BIN1: variants seen among roughly 807,000 people sequenced by gnomAD.
BIN1 encodes bridging integrator 1, also known as myc box-dependent-interacting protein 1.
In BIN1, 53 loss-of-function variants were observed where a neutral mutation model predicts 82.0. That is an observed-to-expected ratio of 0.65 (90% CI 0.52 to 0.81). The LOEUF (loss-of-function observed/expected upper bound fraction) is 0.81. BIN1 is among the 40% of genes least tolerant of loss of function. The pLI, the probability that BIN1 is intolerant of heterozygous loss-of-function variation, is 0.00. For synonymous variants in BIN1, 302 were observed against 328.0 expected (o/e 0.92, Z 0.86); for missense variants, 642 against 784.4 (o/e 0.82, Z 2.17).
chr2:127,062,009 G>C, intron 10 of BIN1, 106 bp downstream of exon 10: 1 of 1,370,872 alleles, frequency 7.3e-7, no homozygotes, highest in Non-Finnish European at 1.0e-6. Context: ...AGACCCCCAA[G>C]GCCAAACCCA....
rs1685243413 is a variant in BIN1 at position 127,067,089 on chromosome 2, A to G, written c.612+1074T>C. Among the ~76,000 whole-genome samples the G allele has an allele frequency of 6.6e-6, 1 of 151,974 alleles. No homozygotes were observed. Among genetic ancestry groups the G allele is most frequent in the Non-Finnish European group, 1.5e-5 (1 of 67,970 alleles). On this transcript the variant is annotated intron_variant, in intron 7 of 18. Transcript: ENST00000316724. The surrounding 1 kb of genome is among the most constrained non-coding windows in gnomAD (Gnocchi z 4.7). Reference sequence around the variant, plus strand: ...CGTTCAAAAAAAAAAAAAAAATAGAAAAAGAAATTGGACAGCAAGCCATGC... The same window carrying G: ...CGTTCAAAAAAAAAAAAAAAATAGAGAAAGAAATTGGACAGCAAGCCATGC...
intron 7 of BIN1, among the ~76,000 whole-genome samples, chr2:127,066,347 A>G (rs994533066): frequency 6.6e-6 from 1 of 152,042 alleles, no homozygotes; most frequent in African/African-American, 2.4e-5. Context: ...CACCTGCCTC[A>G]CCCTCTCGCT....
At chr2:127,053,361 T>G in intron 14 of BIN1, 61 bp downstream of exon 14, 1 of 1,605,190 alleles carries the variant, frequency 6.2e-7, no homozygotes, top group Non-Finnish European at 8.5e-7. Flanking sequence ...CATGTGGGCC[T>G]GGACACATAC....
intron 14 of BIN1, 179 bp from the exon 15 acceptor site, chr2:127,052,541 G>A: frequency 1.6e-6 from 1 of 614,624 alleles, no homozygotes; most frequent in South Asian, 1.9e-5. Context: ...TCCTACCACT[G>A]TCAAAGGGAC....
chr2:127,093,036 TG>T lies in BIN1; in HGVS notation c.84+13823del, dbSNP rs1006968986. On this transcript the variant is annotated intron_variant, in intron 1 of 18. Transcript: ENST00000316724. This position sits in a 1 kb window ranked among gnomAD's most constrained non-coding sequence, Gnocchi z 5.7. ...GGAGCCAAAGGAGTGGGGCACAGCC[TG>T]GGGGCCCCCCCACAGATGCCAGGTC... Among the ~76,000 whole-genome samples, 3 of 149,260 alleles carry T rather than the reference TG, an allele frequency of 2.0e-5. No homozygotes were observed. The highest frequency in any genetic ancestry group is 7.4e-5 in the African/African-American group (3 of 40,704).
chr2:127,070,706 C>T, intron 3 of BIN1, 56 bp downstream of exon 3: 2 of 1,580,978 alleles, frequency 1.3e-6, no homozygotes, highest in Non-Finnish European at 1.7e-6. Flanking sequence ...CCCACCCTCC[C>T]CAGCTCTGCA....
intron 1 of BIN1, among the ~76,000 whole-genome samples, chr2:127,094,406 T>C (rs1440868892): frequency 6.6e-6 from 1 of 152,162 alleles, no homozygotes; most frequent in Admixed American, 6.5e-5. Context: ...GCCTCCCCCT[T>C]CAGGATTGAG....
chr2:127,088,633 G>A (rs1678497179), intron 1 of BIN1, among the ~76,000 whole-genome samples: 1 of 152,050 alleles, frequency 6.6e-6, no homozygotes, highest in Admixed American at 6.6e-5. Context: ...AGCTACTGGG[G>A]AGGCTAGGGC....
chr2:127,080,912 C>T (rs1419635713), intron 1 of BIN1, among the ~76,000 whole-genome samples: 2 of 152,258 alleles, frequency 1.3e-5, no homozygotes, highest in Non-Finnish European at 2.9e-5. Context: ...CCTAGAAAGG[C>T]TGGGTGGTTC....
intron 1 of BIN1, among the ~76,000 whole-genome samples, chr2:127,084,241 A>T (rs1017811952): frequency 5.3e-5 from 8 of 152,224 alleles, no homozygotes; most frequent in African/African-American, 1.9e-4. Context: ...CTGCAATAGC[A>T]TCTTGGCTGG....
chr2:127,106,999 G>T lies in BIN1; in HGVS notation c.-56C>A. Reference sequence around the variant, plus strand: ...CCGCTCTCGCGCGGGGAGATCTTGCGCGCCGCGCTCCCAGCCCCCAGCCCC... The same window carrying T: ...CCGCTCTCGCGCGGGGAGATCTTGCTCGCCGCGCTCCCAGCCCCCAGCCCC... On this transcript the variant is annotated 5_prime_UTR_variant, in exon 1 of 19. Transcript: ENST00000316724. 6.5e-7 allele frequency: 1 copy of T among 1,545,548 alleles called. No individual in the cohort carries two copies.
chr2:127,056,715 G>C (rs1166814748), intron 12 of BIN1, among the ~76,000 whole-genome samples: 1 of 152,230 alleles, frequency 6.6e-6, no homozygotes, highest in Non-Finnish European at 1.5e-5. Context: ...GGAGTGCGGG[G>C]AAGGCCGGCC....
chr2:127,070,148 G>A (rs1685690538), intron 4 of BIN1, 58 bp from the exon 5 acceptor site: 3 of 1,455,746 alleles, frequency 2.1e-6, no homozygotes, highest in Admixed American at 3.4e-5. Context: ...ACCCGCCCCA[G>A]CGCTCACCTC....
At chr2:127,085,880 G>A (rs1410394067) in intron 1 of BIN1, among the ~76,000 whole-genome samples, 2 of 152,192 alleles carry the variant, frequency 1.3e-5, no homozygotes, top group Admixed American at 6.5e-5. Context: ...ACAGGCATCT[G>A]TCAACCTGCC....
At chr2:127,061,333 C>A (rs1370983708) in intron 10 of BIN1, among the ~76,000 whole-genome samples, 3 of 152,128 alleles carry the variant, frequency 2.0e-5, no homozygotes, top group Admixed American at 6.5e-5. Flanking sequence ...GCAATCACCA[C>A]CACCCGATAC....
At chr2:127,098,626 C>T (rs943668432) in intron 1 of BIN1, among the ~76,000 whole-genome samples, 9 of 152,146 alleles carry the variant, frequency 5.9e-5, no homozygotes, top group Admixed American at 2.6e-4. Flanking sequence ...ATCTAGGTCA[C>T]AACGGGGGCC....
chr2:127,057,512 G>A lies in BIN1; in HGVS notation c.1092C>T (p.Asp364=), dbSNP rs745647728. ...TCACGCTGATCTCAGGGACAAACGT[G>A]TCCTCAAACAGGCTGAGGATCTGCT... ...KQEQILSLFE[D]TFVPEISVTT... is the part of the protein sequence containing the mutation. The change falls in exon 12 of 19, where the codon GAC becomes GAT. Residue 364 remains aspartate, a synonymous_variant. Transcript: ENST00000316724. The surrounding 1 kb of genome is among the most constrained non-coding windows in gnomAD (Gnocchi z 5.0). 3.5e-5 allele frequency: 54 copies of A among 1,547,560 alleles called. No homozygotes were observed. In the East Asian group the frequency reaches 1.2e-3, roughly 35 times the overall value.
At chr2:127,062,259 C>A (rs1458121615) in intron 9 of BIN1, 62 bp from the exon 10 acceptor site, 74 of 1,483,404 alleles carry the variant, frequency 5.0e-5, no homozygotes, top group Admixed American at 3.5e-4. Flanking sequence ...CCCACCTTCC[C>A]CAAACACCTC....
chr2:127,050,349 C>G lies in BIN1; in HGVS notation c.1674+72G>C, dbSNP rs577080553. On this transcript the variant is annotated intron_variant, in intron 18 of 18. Transcript: ENST00000316724. Reference sequence around the variant, plus strand: ...GCTGCCCCCTGCTGGCCTGTCTCCGCCACGGCGGTGCCAGCCGCAGCCAGG... The same window carrying G: ...GCTGCCCCCTGCTGGCCTGTCTCCGGCACGGCGGTGCCAGCCGCAGCCAGG... 64 of 1,559,960 alleles carry G rather than the reference C, an allele frequency of 4.1e-5. No homozygotes were observed. In the African/African-American group the frequency reaches 8.1e-4, roughly 20 times the overall value.
Sources: allele counts gnomAD v4.1 joint callset (sites outside exome capture counted in the v4.1 genomes callset), GRCh38; gene constraint gnomAD v4.1.1; non-coding constraint Gnocchi (gnomAD v3.1); transcripts MANE v1.5; gene names NCBI Gene and HGNC (gene_info 2026-07-23, HGNC 2026-07-21).